The following KAZN variants were observed in gnomAD, a reference collection of about 807,000 sequenced individuals.
KAZN encodes the protein kazrin, periplakin interacting protein, also known as kazrin.
In KAZN, 40 loss-of-function variants were observed where a neutral mutation model predicts 87.4. That is an observed-to-expected ratio of 0.46 (90% CI 0.36 to 0.60). The LOEUF is 0.60. KAZN is among the 20% of genes least tolerant of loss of function. The probability of loss-of-function intolerance (pLI) is 0.00; values close to 1 mark genes in which losing one functional copy is unlikely to be tolerated. For missense variants in KAZN, 898 were observed against 1,073.9 expected (o/e 0.84, Z 2.29); for synonymous variants, 466 against 458.3 (o/e 1.02, Z -0.22).
At chr1:14,073,340 A>C (rs958102098) in intron 1 of KAZN, among the ~76,000 whole-genome samples, 1 of 152,186 alleles carries the variant, frequency 6.6e-6, no homozygotes, top group Non-Finnish European at 1.5e-5. Flanking sequence ...TGGAATTGGG[A>C]ACAGAAGATG....
At chr1:14,637,033 A>G (rs1370811886) in intron 1 of KAZN, among the ~76,000 whole-genome samples, 1 of 152,166 alleles carries the variant, frequency 6.6e-6, no homozygotes, top group Admixed American at 6.5e-5. Context: ...CAGGAATCTG[A>G]GCTGACAGTT....
chr1:14,598,768 C>T lies in KAZN; in HGVS notation c.-230C>T, dbSNP rs1676692075. ...TCCTCCTTCTCCTCCTCTTTTTTCTCCTCCGCCTCCTCCCCCCGCCGCCTC... is the reference window on the plus strand; with the variant it reads ...TCCTCCTTCTCCTCCTCTTTTTTCTTCTCCGCCTCCTCCCCCCGCCGCCTC... On this transcript the variant is annotated 5_prime_UTR_variant, in exon 1 of 15. Coordinates refer to ENST00000376030, the MANE Select transcript of KAZN (RefSeq NM_201628.3). This position sits in a 1 kb window ranked among gnomAD's most constrained non-coding sequence, Gnocchi z 4.2. The T allele has an allele frequency of 1.5e-6, 2 of 1,347,460 alleles. No homozygotes were observed. The highest frequency in any genetic ancestry group is 1.9e-6 in the Non-Finnish European group (2 of 1,057,404). 83.5% of individuals were successfully genotyped at this position (1,347,460 alleles called of 1,614,324 possible).
chr1:14,879,925 A>G (rs1248512542), intron 1 of KAZN, among the ~76,000 whole-genome samples: 1 of 152,126 alleles, frequency 6.6e-6, no homozygotes, highest in Non-Finnish European at 1.5e-5. Context: ...GCTATGACCA[A>G]CTCCTTGTTA....
In KAZN at chr1:14,255,731, G is replaced by A. The variant is rs574619830; in HGVS notation, c.249+75139G>A. ...CTAACCCCTTTACAAGTGTGACATCGTTTTATCTTCTAAAGAACCCAGTGA... is the reference window on the plus strand; with the variant it reads ...CTAACCCCTTTACAAGTGTGACATCATTTTATCTTCTAAAGAACCCAGTGA... On this transcript the variant is annotated intron_variant, in intron 2 of 16. Transcript: ENST00000636203. Among the ~76,000 whole-genome samples, 18 of 152,294 alleles carry A rather than the reference G, an allele frequency of 1.2e-4. No homozygotes were observed. In the South Asian group the frequency reaches 2.7e-3, roughly 23 times the overall value.
chr1:15,049,347 C>T (rs935487141), intron 4 of KAZN, among the ~76,000 whole-genome samples: 15 of 152,246 alleles, frequency 9.9e-5, no homozygotes, highest in African/African-American at 2.4e-4. Context: ...CTTCAGTTTA[C>T]GGTGCTCTCT....
chr1:14,957,653 C>T (rs1663296209), intron 1 of KAZN, among the ~76,000 whole-genome samples: 1 of 152,146 alleles, frequency 6.6e-6, no homozygotes, highest in African/African-American at 2.4e-5. Flanking sequence ...GAGGCTGAGA[C>T]AGGCTGATGG....
intron 1 of KAZN, among the ~76,000 whole-genome samples, chr1:14,631,969 G>A (rs1679604209): frequency 6.6e-6 from 1 of 152,196 alleles, no homozygotes; most frequent in South Asian, 2.1e-4. Context: ...GGATTTAGAA[G>A]TTTGGAGAAG....
chr1:14,643,959 G>C (rs541438571), intron 1 of KAZN, among the ~76,000 whole-genome samples: 1 of 145,386 alleles, frequency 6.9e-6, no homozygotes, highest in South Asian at 2.2e-4. Flanking sequence ...TTGGCCACAT[G>C]TGTGTCTTCT....
At chr1:14,598,678 C>G, upstream of KAZN, 2 of 1,275,164 alleles carry the variant, frequency 1.6e-6, no homozygotes, top group South Asian at 2.6e-5. This position sits in a 1 kb window ranked among gnomAD's most constrained non-coding sequence, Gnocchi z 4.2. Context: ...TGGTGGCGCG[C>G]GGTGTCCTTC....
intron 7 of KAZN, 60 bp downstream of exon 7, chr1:15,063,682 C>T (rs2076564): frequency 0.26 from 348,022 of 1,334,296 alleles, 54,430 homozygotes; most frequent in East Asian, 0.66. Context: ...ACTACAACTT[C>T]ACCCTCTGTT....
Position 15,094,257 on chromosome 1 carries a change from C to T in KAZN, c.1300C>T (p.Gln434Ter). Residue 434 changes from glutamine to a stop codon, truncating the protein, a stop_gained, in exon 9 of 15, where the codon CAG (glutamine) becomes TAG (stop). Coordinates refer to ENST00000376030, the MANE Select transcript of KAZN (RefSeq NM_201628.3). LOFTEE classifies it high-confidence loss of function. The surrounding 1 kb of genome is among the most constrained non-coding windows in gnomAD (Gnocchi z 4.5). ...EGEEQMDRLQ[Q>*]VELVRTTPMS... The stretch of plus-strand genomic sequence containing the variant: ...CGAGGAGCAGATGGACCGGCTGCAG[C>T]AGGTGGAGCTGGTGAGGACCACCCC... The T allele has an allele frequency of 1.2e-6, 2 of 1,613,938 alleles. No homozygotes were observed. The highest frequency in any genetic ancestry group is 1.7e-6 in the Non-Finnish European group (2 of 1,179,880).
intron 2 of KAZN, among the ~76,000 whole-genome samples, chr1:14,358,352 A>T (rs1409722110): frequency 2.3e-4 from 26 of 111,472 alleles, no homozygotes; most frequent in Non-Finnish European, 4.9e-4. Context: ...CTATTTTGTA[A>T]ATCTTTTAAA....
chr1:14,702,617 A>G (rs181893068), intron 1 of KAZN, among the ~76,000 whole-genome samples: 3 of 152,286 alleles, frequency 2.0e-5, no homozygotes, highest in Admixed American at 2.0e-4. Flanking sequence ...GGTGATACAC[A>G]ATACACAGAG....
At chr1:14,795,925 A>G (rs1645814411) in intron 1 of KAZN, among the ~76,000 whole-genome samples, 1 of 152,032 alleles carries the variant, frequency 6.6e-6, no homozygotes. Flanking sequence ...ACCGGCACCC[A>G]TTCTTCCTCC....
intron 2 of KAZN, among the ~76,000 whole-genome samples, chr1:14,424,586 G>A (rs1003786914): frequency 6.6e-6 from 1 of 152,146 alleles, no homozygotes; most frequent in Non-Finnish European, 1.5e-5. Flanking sequence ...GCACCCTCTA[G>A]AGTTGCCACA....
At chr1:14,452,642 TG>T (rs112776562) in intron 2 of KAZN, among the ~76,000 whole-genome samples, 3,695 of 152,190 alleles carry the variant, frequency 0.024, 62 homozygotes, top group East Asian at 0.053. Context: ...AAGAGTCAGA[TG>T]GAAAGTGCCT....
chr1:14,147,781 C>T (rs1645384601), intron 1 of KAZN, among the ~76,000 whole-genome samples: 1 of 144,314 alleles, frequency 6.9e-6, no homozygotes, highest in African/African-American at 2.6e-5. Context: ...GGCGACAGAG[C>T]AAGACTCCAT....
intron 1 of KAZN, among the ~76,000 whole-genome samples, chr1:13,969,636 G>A (rs1180158649): frequency 6.6e-6 from 1 of 152,016 alleles, no homozygotes; most frequent in Non-Finnish European, 1.5e-5. Flanking sequence ...TTCTTGCACT[G>A]GCTGTTCCTT....
intron 1 of KAZN, among the ~76,000 whole-genome samples, chr1:14,939,944 G>A (rs1176163279): frequency 6.6e-6 from 1 of 152,158 alleles, no homozygotes; most frequent in Non-Finnish European, 1.5e-5. Context: ...GGTTCCAAAG[G>A]CAGTGGCAGA....
Sources: allele counts gnomAD v4.1 joint callset (sites outside exome capture counted in the v4.1 genomes callset), GRCh38; gene constraint gnomAD v4.1.1; non-coding constraint Gnocchi (gnomAD v3.1); transcripts MANE v1.5; gene names NCBI Gene and HGNC (gene_info 2026-07-23, HGNC 2026-07-21).